Variants in PCNX1 observed in about 807,000 individuals in gnomAD.
PCNX1 encodes pecanex-like protein 1.
PCNX1 carries 78 observed loss-of-function variants against 242.2 expected under a neutral mutation model. The observed-to-expected ratio is 0.32, with a 90% CI of 0.27 to 0.39. The LOEUF is 0.39. Ranked by LOEUF, PCNX1 falls within the 10% of genes least tolerant of loss-of-function variation. PCNX1 has a pLI of 1.00. For missense variants in PCNX1, 2,581 were observed against 2,856.5 expected (o/e 0.90, Z 2.20); for synonymous variants, 1,024 against 1,032.9 (o/e 0.99, Z 0.17).
intron 2 of PCNX1, among the ~76,000 whole-genome samples, chr14:70,951,760 G>T (rs1225391878): frequency 6.7e-6 from 1 of 149,424 alleles, no homozygotes; most frequent in Non-Finnish European, 1.5e-5. Flanking sequence ...AGAAAATTTC[G>T]TTAGAATTTT....
At chr14:70,947,974 T>C (rs962715444) in intron 2 of PCNX1, among the ~76,000 whole-genome samples, 2 of 152,158 alleles carry the variant, frequency 1.3e-5, no homozygotes, top group African/African-American at 2.4e-5. Flanking sequence ...TGCCCTGGTC[T>C]CCAGCAGCGC....
intron 7 of PCNX1, 127 bp downstream of exon 7, chr14:70,988,826 T>C (rs1033183384): frequency 2.1e-5 from 24 of 1,155,356 alleles, no homozygotes; most frequent in African/African-American, 3.1e-5. Flanking sequence ...TTCCTATACA[T>C]TTAAGCCCTT....
intron 1 of PCNX1, among the ~76,000 whole-genome samples, chr14:70,910,033 CT>C (rs2055759998): frequency 1.2e-4 from 6 of 49,126 alleles, no homozygotes; most frequent in African/African-American, 1.8e-4. Context: ...CGACTCCTCC[CT>C]CCTCCTCCTC....
intron 14 of PCNX1, 53 bp downstream of exon 14, chr14:71,026,341 A>G (rs2060243236): frequency 2.9e-6 from 3 of 1,041,098 alleles, no homozygotes; most frequent in Admixed American, 2.7e-5. Flanking sequence ...TTGTATATCA[A>G]CATTTTACTG....
intron 1 of PCNX1, among the ~76,000 whole-genome samples, chr14:70,925,710 T>C (rs2056564435): frequency 6.6e-6 from 1 of 152,254 alleles, no homozygotes; most frequent in Admixed American, 6.5e-5. Context: ...TATTGTGCTG[T>C]TATATACCCA....
intron 3 of PCNX1, among the ~76,000 whole-genome samples, chr14:70,962,612 A>C (rs186169171): frequency 2.6e-5 from 4 of 152,210 alleles, no homozygotes; most frequent in Non-Finnish European, 5.9e-5. Context: ...AGCTTGCGCT[A>C]TCTTCACATC....
chr14:71,009,770 G>T, intron 9 of PCNX1, 46 bp downstream of exon 9: 1 of 1,156,936 alleles, frequency 8.6e-7, no homozygotes, highest in Non-Finnish European at 1.3e-6. Flanking sequence ...TCATATGTTT[G>T]CCATATTTAA....
At chr14:70,963,877 G>C (rs2058296359) in intron 3 of PCNX1, among the ~76,000 whole-genome samples, 1 of 152,132 alleles carries the variant, frequency 6.6e-6, no homozygotes, top group South Asian at 2.1e-4. Context: ...CAGGGCGACT[G>C]TTCTCTTGTG....
chr14:71,004,249 A>G (rs934016178), intron 8 of PCNX1, among the ~76,000 whole-genome samples: 6 of 152,074 alleles, frequency 3.9e-5, no homozygotes, highest in Admixed American at 3.3e-4. Context: ...TGACCTTTTT[A>G]TTTCTCCCCT....
intron 11 of PCNX1, 31 bp from the exon 12 acceptor site, chr14:71,018,978 T>C: frequency 1.9e-6 from 3 of 1,569,808 alleles, no homozygotes; most frequent in South Asian, 1.2e-5. Context: ...ATACTTAAGA[T>C]ATACTTACCC....
intron 7 of PCNX1, among the ~76,000 whole-genome samples, chr14:70,993,437 A>C (rs192748912): frequency 6.6e-6 from 1 of 152,240 alleles, no homozygotes; most frequent in Admixed American, 6.5e-5. Flanking sequence ...CAAATTGTCT[A>C]AATTAATTTA....
At chr14:71,063,283 AC>A (rs2061369305) in intron 26 of PCNX1, among the ~76,000 whole-genome samples, 1 of 152,066 alleles carries the variant, frequency 6.6e-6, no homozygotes, top group Non-Finnish European at 1.5e-5. Flanking sequence ...CTTTTAAATG[AC>A]CCCTTAAAAA....
intron 28 of PCNX1, among the ~76,000 whole-genome samples, chr14:71,078,052 A>G (rs1178229115): frequency 6.6e-6 from 1 of 152,226 alleles, no homozygotes; most frequent in Admixed American, 6.5e-5. Flanking sequence ...GTAATAAATC[A>G]TATATTCAAA....
intron 6 of PCNX1, among the ~76,000 whole-genome samples, chr14:70,982,478 A>G (rs180759508): frequency 1.3e-5 from 2 of 152,346 alleles, no homozygotes; most frequent in African/African-American, 2.4e-5. Context: ...CAAAGACATC[A>G]TAATAGCATA....
At chr14:71,096,641 A>G (rs896678268) in intron 30 of PCNX1, among the ~76,000 whole-genome samples, 1 of 152,168 alleles carries the variant, frequency 6.6e-6, no homozygotes, top group African/African-American at 2.4e-5. Flanking sequence ...TGTATAGGAA[A>G]ATGTGAACGC....
chr14:70,968,059 A>G (rs927516390), intron 3 of PCNX1, 139 bp from the exon 4 acceptor site: 2 of 680,504 alleles, frequency 2.9e-6, no homozygotes, highest in African/African-American at 1.8e-5. Flanking sequence ...TTGTCCAACA[A>G]GTATCTTCTA....
chr14:71,055,551 A>G lies in PCNX1; in HGVS notation c.4625A>G (p.Asp1542Gly), dbSNP rs746891333. ...AATACCAGATTGGCTTCCCAGCTTG[A>G]TAGAAATCCAGGTAATAGCTCTATT... Reference protein sequence around the residue: ...HSNTRLASQLDRNPGSDDNNL... With the variant: ...HSNTRLASQLGRNPGSDDNNL... Residue 1542 changes from aspartate (D) to glycine (G), a missense_variant, in exon 25 of 36, where the codon GAT becomes GGT. Physicochemically the swap from Asp to Gly is moderately conservative, Grantham distance 94. Transcript: ENST00000304743. The G allele has an allele frequency of 2.5e-6, 4 of 1,602,186 alleles. No individual in the cohort carries two copies. The highest frequency in any genetic ancestry group is 2.7e-5 in the African/African-American group (2 of 74,728).
At chr14:70,991,355 C>T (rs980831082) in intron 7 of PCNX1, among the ~76,000 whole-genome samples, 2 of 152,088 alleles carry the variant, frequency 1.3e-5, no homozygotes, top group Admixed American at 6.5e-5. Context: ...CAGGTGCCCG[C>T]CACCATGCCC....
At chr14:70,980,373 T>A (rs545086937) in intron 6 of PCNX1, among the ~76,000 whole-genome samples, 4 of 152,262 alleles carry the variant, frequency 2.6e-5, no homozygotes, top group East Asian at 3.9e-4. Context: ...TGCTTTTTTT[T>A]AATTTAAATA....
Sources: gnomAD v4.1 joint callset for allele counts (sites outside exome capture counted in the v4.1 genomes callset) on GRCh38, gnomAD v4.1.1 for gene constraint, MANE v1.5 for transcripts, NCBI Gene and HGNC (gene_info 2026-07-23, HGNC 2026-07-21) for gene names.